The following VPS13B variants were observed in gnomAD, a reference collection of about 807,000 sequenced individuals.
The protein encoded by VPS13B is intermembrane lipid transfer protein VPS13B.
In VPS13B, 285 loss-of-function variants were observed where a neutral mutation model predicts 426.4. The observed-to-expected ratio is 0.67, with a 90% CI of 0.61 to 0.74. The LOEUF (loss-of-function observed/expected upper bound fraction) is 0.74, where lower values mean the gene tolerates loss of function less well. Ranked by LOEUF, VPS13B falls within the 30% of genes least tolerant of loss-of-function variation. The probability of loss-of-function intolerance (pLI) is 0.00; values close to 1 mark genes in which losing one functional copy is unlikely to be tolerated. For synonymous variants in VPS13B, 1,676 were observed against 1,676.4 expected (o/e 1.00, Z 0.01); for missense variants, 4,537 against 4,782.6 (o/e 0.95, Z 1.51).
chr8:99,179,434 C>A (rs763576186), intron 16 of VPS13B, among the ~76,000 whole-genome samples: 1 of 152,040 alleles, frequency 6.6e-6, no homozygotes, highest in African/African-American at 2.4e-5. Context: ...TCATCTGAAA[C>A]GTCCTCCTCT....
At position 99,350,059 on chromosome 8, in the gene VPS13B, G is replaced by A. The variant is rs144559731; in HGVS notation, c.2825-34149G>A. 6.3e-3 allele frequency among the ~76,000 whole-genome samples: 955 copies of A among 152,248 alleles called. 8 individuals carry two copies. Among genetic ancestry groups the A allele is most frequent in the African/African-American group, 0.022 (896 of 41,542 alleles). Reference sequence around the variant, plus strand: ...AGTCAGAGGTTCTGTTGGTTTGGAAGATCACAGAAAACTTTCTTCAATAAG... The same window carrying A: ...AGTCAGAGGTTCTGTTGGTTTGGAAAATCACAGAAAACTTTCTTCAATAAG... On this transcript the variant is annotated intron_variant, in intron 19 of 61. Transcript: ENST00000357162.
intron 19 of VPS13B, among the ~76,000 whole-genome samples, chr8:99,332,058 A>G (rs1810573792): frequency 6.6e-6 from 1 of 151,736 alleles, no homozygotes; most frequent in South Asian, 2.1e-4. Flanking sequence ...GAAACGTAGA[A>G]TAGAGCTTTG....
intron 23 of VPS13B, among the ~76,000 whole-genome samples, chr8:99,449,183 T>C (rs1003419268): frequency 1.3e-5 from 2 of 152,146 alleles, no homozygotes; most frequent in Non-Finnish European, 2.9e-5. Flanking sequence ...ACAAAAACTG[T>C]CCAAACTTAA....
chr8:99,823,729 G>A, intron 50 of VPS13B, 103 bp from the exon 51 acceptor site: 2 of 1,279,914 alleles, frequency 1.6e-6, no homozygotes, highest in Non-Finnish European at 2.2e-6. Flanking sequence ...AATTGGTACT[G>A]TCCTGGCAGA....
At chr8:99,038,679 CTTTTTTTTTTTTTTTT>C (rs34774482) in intron 3 of VPS13B, 113 bp downstream of exon 3, 15 of 168,704 alleles carry the variant, frequency 8.9e-5, no homozygotes, top group Non-Finnish European at 1.3e-4. Flanking sequence ...AGCTTATATA[CTTTTTTTTTTTTTTTT>C]TTTTTTTTTT....
At chr8:99,246,571 C>G (rs1018770937) in intron 17 of VPS13B, among the ~76,000 whole-genome samples, 3 of 152,142 alleles carry the variant, frequency 2.0e-5, no homozygotes, top group African/African-American at 7.2e-5. Flanking sequence ...TTTGCTAACC[C>G]ATTTTAGATT....
intron 7 of VPS13B, 91 bp from the exon 8 acceptor site, chr8:99,121,086 T>A: frequency 1.6e-6 from 2 of 1,213,926 alleles, no homozygotes; most frequent in South Asian, 2.9e-5. Flanking sequence ...ATTAGAAGGA[T>A]ATGGGAGGAA....
chr8:99,093,741 G>C (rs1846285865), intron 3 of VPS13B, among the ~76,000 whole-genome samples: 1 of 151,982 alleles, frequency 6.6e-6, no homozygotes, highest in African/African-American at 2.4e-5. Flanking sequence ...AGTATTCCAT[G>C]GTGTATATGT....
chr8:99,540,035 A>G (rs1476204887), intron 30 of VPS13B, among the ~76,000 whole-genome samples: 1 of 3,684 alleles, frequency 2.7e-4, no homozygotes, highest in Non-Finnish European at 6.5e-4. Flanking sequence ...ATATATATAT[A>G]TATATATATA....
intron 19 of VPS13B, among the ~76,000 whole-genome samples, chr8:99,370,506 T>C (rs754125284): frequency 6.6e-5 from 10 of 152,158 alleles, no homozygotes; most frequent in Non-Finnish European, 8.8e-5. Flanking sequence ...GGATTTAATT[T>C]AGATTGGTAA....
intron 31 of VPS13B, among the ~76,000 whole-genome samples, chr8:99,562,637 CTTTA>C (rs1308686897): frequency 6.6e-6 from 1 of 151,878 alleles, no homozygotes; most frequent in Non-Finnish European, 1.5e-5. Flanking sequence ...TGTAAGAGTT[CTTTA>C]TTTATTCTAG....
chr8:99,657,469 ATTGTGTGTG>A (rs954193195), intron 34 of VPS13B, among the ~76,000 whole-genome samples: 62 of 4,340 alleles, frequency 0.014, no homozygotes, highest in African/African-American at 0.098. Context: ...TACTTTAAAA[ATTGTGTGTG>A]TGTGTGTGTG....
chr8:99,030,319 A>G lies in VPS13B; in HGVS notation c.148-8104A>G, dbSNP rs141864206. Among the ~76,000 whole-genome samples the G allele has an allele frequency of 4.4e-4, 66 of 150,986 alleles. 1 individual carries two copies. The highest frequency in any genetic ancestry group is 3.8e-3 in the Admixed American group (57 of 15,172). ...GCTGAGACAAAAATGATTTCTGGTT[A>G]GGACCTCTGTCTTTATGGAGTTTGC... is the stretch of plus-strand genomic sequence containing the variant. On this transcript the variant is annotated intron_variant, in intron 2 of 61. Coordinates refer to ENST00000357162, the MANE Select transcript of VPS13B (RefSeq NM_152564.5).
At chr8:99,170,910 A>G (rs1256041796) in intron 16 of VPS13B, among the ~76,000 whole-genome samples, 1 of 151,722 alleles carries the variant, frequency 6.6e-6, no homozygotes, top group Non-Finnish European at 1.5e-5. Flanking sequence ...TTTGCAGGAT[A>G]GTTTTTCTAT....
intron 17 of VPS13B, among the ~76,000 whole-genome samples, chr8:99,255,852 G>A (rs1038381922): frequency 6.6e-6 from 1 of 152,124 alleles, no homozygotes; most frequent in African/African-American, 2.4e-5. Context: ...AGAGGGAGGG[G>A]CATAGTCTTA....
intron 16 of VPS13B, among the ~76,000 whole-genome samples, chr8:99,186,828 C>G (rs1813244153): frequency 6.6e-6 from 1 of 152,084 alleles, no homozygotes; most frequent in African/African-American, 2.4e-5. Flanking sequence ...GAGAATTTTT[C>G]CCTACCCTTG....
At chr8:99,452,338 T>C (rs1308415329) in intron 23 of VPS13B, among the ~76,000 whole-genome samples, 1 of 152,228 alleles carries the variant, frequency 6.6e-6, no homozygotes, top group Non-Finnish European at 1.5e-5. Flanking sequence ...GCTGTCTTTG[T>C]ACTCCAGTCA....
intron 17 of VPS13B, among the ~76,000 whole-genome samples, chr8:99,271,144 A>G (rs1254360335): frequency 2.6e-5 from 4 of 152,056 alleles, no homozygotes; most frequent in South Asian, 4.1e-4. Context: ...TATGATTACT[A>G]TTATTGATAC....
intron 21 of VPS13B, among the ~76,000 whole-genome samples, chr8:99,416,232 A>G (rs1324334470): frequency 6.6e-6 from 1 of 152,040 alleles, no homozygotes; most frequent in Admixed American, 6.5e-5. Context: ...AAAATCACCT[A>G]TTCAAGCCTC....
Sources: allele counts gnomAD v4.1 joint callset (sites outside exome capture counted in the v4.1 genomes callset), GRCh38; gene constraint gnomAD v4.1.1; transcripts MANE v1.5; gene names NCBI Gene and HGNC (gene_info 2026-07-23, HGNC 2026-07-21).